COX7A2L: variants seen among roughly 807,000 people sequenced by gnomAD.
The protein encoded by COX7A2L is cytochrome c oxidase subunit 7A2 like.
In COX7A2L, 18 loss-of-function variants were observed where a neutral mutation model predicts 14.2. The observed-to-expected ratio is 1.27, with a 90% CI of 0.88 to 1.88. The LOEUF (loss-of-function observed/expected upper bound fraction) is 1.88, where lower values mean the gene tolerates loss of function less well. Among genes scored for constraint, COX7A2L ranks in the 40% most tolerant of loss-of-function variants. The pLI, the probability that COX7A2L is intolerant of heterozygous loss-of-function variation, is 0.00. For synonymous variants in COX7A2L, 65 were observed against 57.4 expected (o/e 1.13, Z -0.60); for missense variants, 179 against 138.8 (o/e 1.29, Z -1.46).
rs1449550127 is a variant in COX7A2L, at chr2:42,353,265, C to T, written c.151G>A (p.Val51Met). The T allele has an allele frequency of 6.2e-7, 1 of 1,614,156 alleles. No individual in the cohort carries two copies. Among genetic ancestry groups the T allele is most frequent in the Admixed American group, 1.7e-5 (1 of 60,022 alleles). Residue 51 changes from valine (V) to methionine (M), a missense_variant, in exon 2 of 3, where the codon GTG (valine) becomes ATG (methionine). Coordinates refer to ENST00000234301, the MANE Select transcript of COX7A2L (RefSeq NM_004718.4). ...TTGTTTTTCCCAGCATAATCATACACTGTGGAATCGGAGGTCAGTTTAGTT... is the reference window on the plus strand; with the variant it reads ...TTGTTTTTCCCAGCATAATCATACATTGTGGAATCGGAGGTCAGTTTAGTT... The part of the protein sequence containing the change: ...TPTKLTSDST[V>M]YDYAGKNKVP...
At chr2:42,357,350 C>T (rs946409014) in intron 1 of COX7A2L, among the ~76,000 whole-genome samples, 22 of 152,164 alleles carry the variant, frequency 1.4e-4, no homozygotes, top group African/African-American at 5.1e-4. Context: ...ACACTGTCAC[C>T]CACGCTGGAG....
At chr2:42,360,732 G>A (rs900511025) in intron 1 of COX7A2L, among the ~76,000 whole-genome samples, 2 of 152,294 alleles carry the variant, frequency 1.3e-5, no homozygotes, top group East Asian at 1.9e-4. Context: ...CGACAAGGAG[G>A]CCGAAAGCCA....
At chr2:42,355,882 C>T (rs985360701) in intron 1 of COX7A2L, among the ~76,000 whole-genome samples, 6 of 151,846 alleles carry the variant, frequency 4.0e-5, no homozygotes, top group Admixed American at 3.9e-4. Flanking sequence ...CACGCCACCA[C>T]GCCCAGCTAA....
At chr2:42,354,667 A>G (rs1670762048) in intron 1 of COX7A2L, among the ~76,000 whole-genome samples, 1 of 152,222 alleles carries the variant, frequency 6.6e-6, no homozygotes, top group Non-Finnish European at 1.5e-5. Flanking sequence ...GCATTAAAGT[A>G]AACTTGGCTT....
At chr2:42,336,922 C>T (rs1670289551) in intron 2 of COX7A2L, among the ~76,000 whole-genome samples, 1 of 152,118 alleles carries the variant, frequency 6.6e-6, no homozygotes, top group Admixed American at 6.5e-5. Context: ...TGGGGCTCAG[C>T]AAGGAATCCC....
At chr2:42,344,824 C>G (rs1345959605), downstream of COX7A2L, among the ~76,000 whole-genome samples, 2 of 151,032 alleles carry the variant, frequency 1.3e-5, no homozygotes, top group Non-Finnish European at 2.9e-5. Context: ...GTACTCCAGC[C>G]TGGGTGACAA....
chr2:42,350,408 T>A lies in COX7A2L; in HGVS notation c.*811A>T, dbSNP rs1670598978. ...CATTTTATAAAGATTATCTGGTGCC[T>A]AATTAACAAGAAAGAAATTAGACTC... On this transcript the variant is annotated 3_prime_UTR_variant, in exon 3 of 3. Transcript: ENST00000234301. 6.6e-6 allele frequency: 1 copy of A among 152,194 alleles called. No homozygotes were observed. Among genetic ancestry groups the A allele is most frequent in the Non-Finnish European group, 1.5e-5 (1 of 68,030 alleles). The allele number at this position is 152,194 out of a possible 1,614,324, so 9.4% of individuals were successfully genotyped here. A position where few individuals can be genotyped will look rare whatever the true frequency, so the allele number is the denominator to read the frequency against.
chr2:42,349,582 CTT>C lies in COX7A2L; in HGVS notation c.*1635_*1636del, dbSNP rs1427314477. 2.6e-5 allele frequency: 4 copies of C among 152,162 alleles called. No homozygotes were observed. The highest frequency in any genetic ancestry group is 9.7e-5 in the African/African-American group (4 of 41,414). The allele number at this position is 152,162 out of a possible 1,614,324, so 9.4% of individuals were successfully genotyped here. On this transcript the variant is annotated 3_prime_UTR_variant, in exon 3 of 3. Coordinates refer to ENST00000234301, the MANE Select transcript of COX7A2L (RefSeq NM_004718.4). ...ACAGTAAAAACCAATGAATTGTACACTTGAGGTGAACTGTACAGTATGTAAAT... is the reference window on the plus strand; with the variant it reads ...ACAGTAAAAACCAATGAATTGTACACGAGGTGAACTGTACAGTATGTAAAT...
In COX7A2L at chr2:42,351,023, T is replaced by C; in HGVS notation, c.*196A>G. ...AGCAAAGCACCATTTCTTTAAACAA[T>C]GGCTTTAACTGTCGAATGAGCTCTG... On this transcript the variant is annotated 3_prime_UTR_variant, in exon 3 of 3. Transcript: ENST00000234301. The C allele has an allele frequency of 3.7e-6, 2 of 538,564 alleles. No individual in the cohort carries two copies. The highest frequency in any genetic ancestry group is 3.1e-6 in the Non-Finnish European group (1 of 318,638). 33.4% of individuals were successfully genotyped at this position (538,564 alleles called of 1,614,324 possible). A position where few individuals can be genotyped will look rare whatever the true frequency, so the allele number is the denominator to read the frequency against.
chr2:42,354,498 A>G (rs1368296380), intron 1 of COX7A2L, among the ~76,000 whole-genome samples: 2 of 152,228 alleles, frequency 1.3e-5, no homozygotes, highest in Non-Finnish European at 2.9e-5. Context: ...CAAAGAAGGA[A>G]ACCTCTTGCC....
At chr2:42,362,090 G>T (rs1247859816), upstream of COX7A2L, among the ~76,000 whole-genome samples, 6 of 152,092 alleles carry the variant, frequency 3.9e-5, no homozygotes, top group East Asian at 1.2e-3. Context: ...CCTTTTCCTG[G>T]CCTCTGCTCT....
chr2:42,359,581 G>A (rs143949839), intron 1 of COX7A2L: 1 of 152,104 alleles, frequency 6.6e-6, no homozygotes, highest in South Asian at 2.1e-4. Flanking sequence ...TTCGGTTTCA[G>A]TGAGACCACA....
At chr2:42,364,173 C>A, upstream of COX7A2L, among the ~76,000 whole-genome samples, 1 of 150,410 alleles carries the variant, frequency 6.6e-6, no homozygotes, top group Non-Finnish European at 1.5e-5. Context: ...ATGGCGTGAA[C>A]CCGGGAGGCG....
chr2:42,340,557 C>T (rs12465300), intron 2 of COX7A2L, among the ~76,000 whole-genome samples: 16,282 of 151,892 alleles, frequency 0.11, 1,030 homozygotes, highest in South Asian at 0.26. Flanking sequence ...TGCTCCGTAA[C>T]GCCTGAGCCT....
At chr2:42,346,254 G>C (rs922883048), downstream of COX7A2L, among the ~76,000 whole-genome samples, 2 of 152,214 alleles carry the variant, frequency 1.3e-5, no homozygotes, top group Non-Finnish European at 2.9e-5. Flanking sequence ...TGCAGAGACA[G>C]AATTAAACAG....
downstream of COX7A2L, among the ~76,000 whole-genome samples, chr2:42,345,722 C>T (rs1670482417): frequency 6.6e-6 from 1 of 152,102 alleles, no homozygotes; most frequent in Admixed American, 6.5e-5. Flanking sequence ...AAAATAATTC[C>T]CTTAAACTAT....
upstream of COX7A2L, among the ~76,000 whole-genome samples, chr2:42,365,226 G>C (rs1453370545): frequency 6.6e-6 from 1 of 152,218 alleles, no homozygotes; most frequent in African/African-American, 2.4e-5. Context: ...ACGGGTGGTG[G>C]TTTCTCATCA....
intron 1 of COX7A2L, among the ~76,000 whole-genome samples, chr2:42,360,771 G>C (rs1232869542): frequency 2.6e-5 from 4 of 152,128 alleles, no homozygotes; most frequent in Admixed American, 6.5e-5. Flanking sequence ...GAGAAGGCCG[G>C]ACCTCTGACT....
At chr2:42,354,390 C>T (rs2103896154) in intron 1 of COX7A2L, among the ~76,000 whole-genome samples, 1 of 151,988 alleles carries the variant, frequency 6.6e-6, no homozygotes, top group Non-Finnish European at 1.5e-5. Flanking sequence ...GAGTTATAAG[C>T]CAATAAAAAT....
Sources: gnomAD v4.1 joint callset for allele counts (sites outside exome capture counted in the v4.1 genomes callset) on GRCh38, gnomAD v4.1.1 for gene constraint, MANE v1.5 for transcripts, NCBI Gene and HGNC (gene_info 2026-07-23, HGNC 2026-07-21) for gene names.